The following CNIH3 variants were observed in gnomAD, a reference collection of about 807,000 sequenced individuals.
CNIH3 encodes protein cornichon homolog 3.
CNIH3 carries 14 observed loss-of-function variants against 24.1 expected under a neutral mutation model. The ratio of observed to expected loss-of-function variants is 0.58; its 90% CI spans 0.38 to 0.91. The LOEUF is 0.91. CNIH3 is among the 40% of genes least tolerant of loss of function. CNIH3 has a pLI of 0.00. For missense variants in CNIH3, 178 were observed against 196.8 expected, an observed-to-expected ratio of 0.90 and a Z score of 0.57; for synonymous variants, 68 against 73.8, an observed-to-expected ratio of 0.92 and a Z score of 0.40.
intron 1 of CNIH3, among the ~76,000 whole-genome samples, chr1:224,506,229 T>G (rs1214751766): frequency 6.6e-6 from 1 of 152,146 alleles, no homozygotes; most frequent in Non-Finnish European, 1.5e-5. Flanking sequence ...TCACCAGGCC[T>G]GGGGCCACAT....
chr1:224,642,160 AT>A lies in CNIH3; in HGVS notation c.81+24906del, dbSNP rs552958376. On this transcript the variant is annotated intron_variant, in intron 1 of 5. Transcript: ENST00000272133. ...CATAGTAACAGCTGATATTGATTGA[AT>A]ATTTGCTGTATCAGGCACTGTTCTT... Among the ~76,000 whole-genome samples the A allele has an allele frequency of 1.2e-4, 19 of 152,304 alleles. No homozygotes were observed. In the South Asian group the frequency reaches 3.5e-3, roughly 28 times the overall value.
chr1:224,684,810 GA>G lies in CNIH3; in HGVS notation c.167del (p.Asn56ThrfsTer38). 1 of 1,614,126 alleles carries G rather than the reference GA, an allele frequency of 6.2e-7. No individual in the cohort carries two copies. The highest frequency in any genetic ancestry group is 8.5e-7 in the Non-Finnish European group (1 of 1,179,966). On this transcript the variant is annotated frameshift_variant, in exon 3 of 6. Transcript: ENST00000272133. LOFTEE classifies it high-confidence loss of function. The surrounding 1 kb of genome is among the most constrained non-coding windows in gnomAD (Gnocchi z 4.2). ...NPVHARERLR[N>X]IERICFLLRK... ...CATCCTGATAGAGGGAACGGTTGAG[GA>G]ACATCGAGCGCATCTGCTTCCTTCT...
intron 5 of CNIH3, among the ~76,000 whole-genome samples, chr1:224,585,062 G>A (rs1040047520): frequency 6.6e-6 from 1 of 152,082 alleles, no homozygotes; most frequent in Non-Finnish European, 1.5e-5. Flanking sequence ...CATTTCCCTC[G>A]CATTGAGACC....
chr1:224,617,738 A>G (rs1683086337), intron 1 of CNIH3, among the ~76,000 whole-genome samples: 1 of 152,228 alleles, frequency 6.6e-6, no homozygotes, highest in Non-Finnish European at 1.5e-5. Flanking sequence ...GGTAGGGAGA[A>G]GCCGAGCCCA....
chr1:224,614,572 T>C (rs1309813203), upstream of CNIH3, among the ~76,000 whole-genome samples: 1 of 151,534 alleles, frequency 6.6e-6, no homozygotes, highest in Admixed American at 6.6e-5. Context: ...AGCAAGGAGT[T>C]TGAGGCTACA....
chr1:224,495,035 T>G (rs368303488), intron 1 of CNIH3, among the ~76,000 whole-genome samples: 8 of 152,298 alleles, frequency 5.3e-5, no homozygotes, highest in African/African-American at 1.9e-4. Context: ...CATACACGCA[T>G]GCACACATGC....
At chr1:224,450,026 A>G (rs1245641723) in intron 1 of CNIH3, among the ~76,000 whole-genome samples, 3 of 152,000 alleles carry the variant, frequency 2.0e-5, no homozygotes, top group Admixed American at 1.3e-4. Flanking sequence ...ACACACACGC[A>G]CACACATACA....
At chr1:224,516,423 C>T (rs1678386273) in intron 1 of CNIH3, among the ~76,000 whole-genome samples, 1 of 152,010 alleles carries the variant, frequency 6.6e-6, no homozygotes, top group South Asian at 2.1e-4. Context: ...CAGGTGCTAC[C>T]ACTGGGCCAC....
chr1:224,460,007 G>A (rs759765817), intron 1 of CNIH3, among the ~76,000 whole-genome samples: 1 of 151,320 alleles, frequency 6.6e-6, no homozygotes, highest in African/African-American at 2.4e-5. Context: ...CCCCAGAGTT[G>A]CTGGAGCTAC....
chr1:224,470,589 G>A (rs1676331285), intron 1 of CNIH3, among the ~76,000 whole-genome samples: 1 of 152,086 alleles, frequency 6.6e-6, no homozygotes, highest in Non-Finnish European at 1.5e-5. Flanking sequence ...CAAAGTGTTG[G>A]GATTACAGGT....
intron 3 of CNIH3, among the ~76,000 whole-genome samples, chr1:224,729,297 A>G (rs1158410681): frequency 6.6e-6 from 1 of 151,592 alleles, no homozygotes; most frequent in Non-Finnish European, 1.5e-5. Flanking sequence ...CTGTAATGCC[A>G]GCTACTTGGG....
chr1:224,652,303 A>G (rs1480776021), intron 1 of CNIH3, among the ~76,000 whole-genome samples: 1 of 152,062 alleles, frequency 6.6e-6, no homozygotes, highest in African/African-American at 2.4e-5. Flanking sequence ...GGGACTGGAC[A>G]TAAGGTGGGG....
At chr1:224,669,247 G>C (rs910347009) in intron 1 of CNIH3, among the ~76,000 whole-genome samples, 3 of 152,152 alleles carry the variant, frequency 2.0e-5, no homozygotes, top group African/African-American at 7.2e-5. Context: ...CTGTTAACTA[G>C]ATGGGAACCA....
chr1:224,632,983 T>C (rs1683900959), intron 1 of CNIH3, among the ~76,000 whole-genome samples: 1 of 152,092 alleles, frequency 6.6e-6, no homozygotes, highest in Non-Finnish European at 1.5e-5. Context: ...GTGTGTGAAA[T>C]GAAGGAGCTC....
intron 2 of CNIH3, among the ~76,000 whole-genome samples, chr1:224,533,870 C>T (rs1679178161): frequency 6.6e-6 from 1 of 152,172 alleles, no homozygotes; most frequent in African/African-American, 2.4e-5. Context: ...TGAACATAGG[C>T]TGGGAGCACA....
Position 224,616,349 on chromosome 1 carries a change from A to G in CNIH3, c.-826A>G, listed in dbSNP as rs550935824. 39 of 539,476 alleles carry G rather than the reference A, an allele frequency of 7.2e-5. No homozygotes were observed. Among genetic ancestry groups the G allele is most frequent in the African/African-American group, 5.4e-4 (26 of 47,908 alleles). The allele number at this position is 539,476 out of a possible 1,614,324, so 33.4% of individuals were successfully genotyped here. A position where few individuals can be genotyped will look rare whatever the true frequency, so the allele number is the denominator to read the frequency against. ...CAAAGGCGGCGGCGGCGGCGGCGGC[A>G]GCGGCAGCAGCAGGTGGAGCGAGCT... On this transcript the variant is annotated 5_prime_UTR_variant, in exon 1 of 6. Coordinates refer to ENST00000272133, the MANE Select transcript of CNIH3 (RefSeq NM_152495.2).
chr1:224,722,863 G>T (rs1258081811), intron 3 of CNIH3, among the ~76,000 whole-genome samples: 1 of 152,222 alleles, frequency 6.6e-6, no homozygotes, highest in Non-Finnish European at 1.5e-5. Flanking sequence ...TTCTCCTCCA[G>T]AAACAAGCTG....
chr1:224,705,850 C>CTTTTTTTTTTTTTTTTTTT lies in CNIH3; in HGVS notation c.198+21015_198+21016insTTTTTTTTTTTTTTTTTTT, dbSNP rs61128987. Among the ~76,000 whole-genome samples the CTTTTTTTTTTTTTTTTTTT allele has an allele frequency of 2.2e-5, 2 of 90,206 alleles. 1 individual carries two copies. The highest frequency in any genetic ancestry group is 4.8e-5 in the Non-Finnish European group (2 of 41,722). 59.2% of individuals were successfully genotyped at this position (90,206 alleles called of 152,430 possible). A position where few individuals can be genotyped will look rare whatever the true frequency, so the allele number is the denominator to read the frequency against. Reference sequence around the variant, plus strand: ...TTCTTTTCTTTTCTCTCTTTCTTTTCTTTTTTTTCTTTTTTTTTTTTTTTG... The same window carrying CTTTTTTTTTTTTTTTTTTT: ...TTCTTTTCTTTTCTCTCTTTCTTTTCTTTTTTTTTTTTTTTTTTTTTTTTTTTCTTTTTTTTTTTTTTTG... On this transcript the variant is annotated intron_variant, in intron 3 of 5. Coordinates refer to ENST00000272133, the MANE Select transcript of CNIH3 (RefSeq NM_152495.2).
intron 3 of CNIH3, among the ~76,000 whole-genome samples, chr1:224,688,949 T>C (rs1469534159): frequency 7.9e-5 from 12 of 151,872 alleles, no homozygotes; most frequent in Admixed American, 7.9e-4. Context: ...AAAAGATTTG[T>C]ATTTAAAAAT....
Sources: gnomAD v4.1 joint callset for allele counts (sites outside exome capture counted in the v4.1 genomes callset) on GRCh38, gnomAD v4.1.1 for gene constraint, Gnocchi (gnomAD v3.1) non-coding constraint, MANE v1.5 for transcripts, NCBI Gene and HGNC (gene_info 2026-07-23, HGNC 2026-07-21) for gene names.